Variants in APOO observed in about 807,000 individuals in gnomAD.
APOO encodes MICOS complex subunit MIC26.
APOO carries 11 observed loss-of-function variants against 23.1 expected under a neutral mutation model. The observed-to-expected ratio is 0.48, with a 90% CI of 0.30 to 0.79. APOO has a LOEUF of 0.79. Ranked by LOEUF, APOO falls within the 30% of genes least tolerant of loss-of-function variation. APOO has a pLI of 0.07. For synonymous variants in APOO, 59 were observed against 54.8 expected (o/e 1.08, Z -0.34); for missense variants, 160 against 142.7 (o/e 1.12, Z -0.62).
chrX:23,892,859 A>G (rs1270955460), intron 1 of APOO, among the ~76,000 whole-genome samples: 1 of 107,159 alleles, frequency 9.3e-6, no homozygotes, highest in Admixed American at 1.0e-4. Flanking sequence ...TTCTGACAGC[A>G]TTTTTCACTC....
At chrX:23,842,574 C>T (rs1260154929) in intron 7 of APOO, among the ~76,000 whole-genome samples, 2 of 112,019 alleles carry the variant, frequency 1.8e-5, no homozygotes, top group African/African-American at 3.2e-5. Context: ...AGGCTGATTG[C>T]CAGCCAAACC....
intron 7 of APOO, 90 bp downstream of exon 7, chrX:23,856,211 TA>T (rs1479995873): frequency 4.3e-6 from 4 of 925,939 alleles, no homozygotes; most frequent in Non-Finnish European, 6.1e-6. Flanking sequence ...GAAAAAGCAA[TA>T]AATCAACAGG....
chrX:23,855,553 A>G (rs373100291), intron 7 of APOO, among the ~76,000 whole-genome samples: 3 of 111,278 alleles, frequency 2.7e-5, no homozygotes, highest in South Asian at 3.7e-4. Flanking sequence ...TAGAAGGTAT[A>G]TTAATATAAG....
chrX:23,867,331 G>A (rs930953703), intron 5 of APOO, among the ~76,000 whole-genome samples: 2 of 110,454 alleles, frequency 1.8e-5, no homozygotes, highest in East Asian at 2.9e-4. Context: ...TGCCCTCCCT[G>A]TGGGAATGAG....
At chrX:23,893,910 G>T (rs929373164) in intron 1 of APOO, among the ~76,000 whole-genome samples, 2 of 110,593 alleles carry the variant, frequency 1.8e-5, no homozygotes, top group Non-Finnish European at 3.8e-5. Flanking sequence ...ACACCAAACA[G>T]AACAGAGGCT....
At chrX:23,847,917 C>T (rs1165206442) in intron 7 of APOO, among the ~76,000 whole-genome samples, 2 of 107,949 alleles carry the variant, frequency 1.9e-5, no homozygotes, top group Non-Finnish European at 3.8e-5. Context: ...ACTCTTGTTG[C>T]CCAGGCTGGA....
intron 1 of APOO, among the ~76,000 whole-genome samples, chrX:23,894,825 G>A (rs1165400806): frequency 1.8e-5 from 2 of 109,484 alleles, no homozygotes; most frequent in African/African-American, 3.3e-5. Flanking sequence ...AATCAGTCTC[G>A]ATATATTTTA....
At chrX:23,853,685 G>C (rs1924654134) in intron 7 of APOO, among the ~76,000 whole-genome samples, 1 of 109,291 alleles carries the variant, frequency 9.1e-6, no homozygotes, top group Non-Finnish European at 1.9e-5. Context: ...GAGTGCAGTG[G>C]GGTGAACATG....
chrX:23,850,672 C>T (rs1004996991), intron 7 of APOO, among the ~76,000 whole-genome samples: 1 of 111,290 alleles, frequency 9.0e-6, no homozygotes, highest in African/African-American at 3.3e-5. Flanking sequence ...ACTAAAAATA[C>T]AAAAATTAGC....
At chrX:23,841,537 T>C (rs1383154452) in intron 7 of APOO, among the ~76,000 whole-genome samples, 1 of 101,424 alleles carries the variant, frequency 9.9e-6, no homozygotes, top group African/African-American at 3.6e-5. Flanking sequence ...TGATAAAGTA[T>C]ATGGTCACCA....
intron 2 of APOO, 93 bp from the exon 3 acceptor site, chrX:23,879,127 G>C: frequency 2.0e-6 from 2 of 1,004,849 alleles, no homozygotes; most frequent in Non-Finnish European, 2.6e-6. Flanking sequence ...AATATTTCTA[G>C]TAATTCATGA....
intron 7 of APOO, among the ~76,000 whole-genome samples, chrX:23,854,861 TC>T (rs1174387260): frequency 9.1e-6 from 1 of 109,361 alleles, no homozygotes; most frequent in Non-Finnish European, 1.9e-5. Context: ...AAAGGAAGCT[TC>T]CATAGAAAAT....
chrX:23,837,163 T>A (rs1254437334), intron 8 of APOO: 1 of 883,553 alleles, frequency 1.1e-6, no homozygotes, highest in East Asian at 3.4e-5. Context: ...CCGGAGCCTC[T>A]TTTTTTTCTT....
rs1923505196 is a variant in APOO at position 23,833,399 on chromosome X, TG to T, written c.*242del. ...TTAATTAGGTACATAAATAGCAACA[TG>T]AGAATGAGGAGTTCTAAGGCTTGTA... On this transcript the variant is annotated 3_prime_UTR_variant, in exon 9 of 9. Transcript: ENST00000379226. 1 of 111,017 alleles carries T rather than the reference TG, an allele frequency of 9.0e-6. No homozygotes were observed. The highest frequency in any genetic ancestry group is 9.8e-5 in the Admixed American group (1 of 10,172). 9.1% of individuals were successfully genotyped at this position (111,017 alleles called of 1,213,427 possible). A position where few individuals can be genotyped will look rare whatever the true frequency, so the allele number is the denominator to read the frequency against.
At chrX:23,867,492 T>C (rs1387964487) in intron 5 of APOO, among the ~76,000 whole-genome samples, 1 of 112,224 alleles carries the variant, frequency 8.9e-6, no homozygotes, top group Non-Finnish European at 1.9e-5. Context: ...CAGAAATAGA[T>C]GCTGATGCCA....
intron 1 of APOO, among the ~76,000 whole-genome samples, chrX:23,902,288 T>G (rs765009966): frequency 1.8e-4 from 20 of 111,447 alleles, no homozygotes; most frequent in Non-Finnish European, 3.4e-4. Flanking sequence ...ATAATCACCT[T>G]GGGGGGCTTT....
chrX:23,835,081 G>C (rs1457243512), intron 8 of APOO, among the ~76,000 whole-genome samples: 1 of 94,693 alleles, frequency 1.1e-5, no homozygotes, highest in African/African-American at 4.0e-5. Flanking sequence ...TTTTTTTTGA[G>C]ACGGAGTTTC....
chrX:23,866,196 A>T (rs1925328704), intron 5 of APOO, among the ~76,000 whole-genome samples: 1 of 111,819 alleles, frequency 8.9e-6, no homozygotes, highest in African/African-American at 3.3e-5. Context: ...CTCCCTAACG[A>T]TAGCTGAAAT....
intron 1 of APOO, among the ~76,000 whole-genome samples, chrX:23,897,313 C>T (rs376819132): frequency 6.3e-5 from 7 of 111,935 alleles, no homozygotes; most frequent in African/African-American, 2.3e-4. Flanking sequence ...TAAACTTGTG[C>T]GATAAACAGG....
Sources: gnomAD v4.1 joint callset for allele counts (sites outside exome capture counted in the v4.1 genomes callset) on GRCh38, gnomAD v4.1.1 for gene constraint, MANE v1.5 for transcripts, NCBI Gene and HGNC (gene_info 2026-07-23, HGNC 2026-07-21) for gene names.